The following COL8A1 variants were observed in gnomAD, a reference collection of about 807,000 sequenced individuals.
COL8A1 encodes collagen type VIII alpha 1 chain.
Under a neutral mutation model 42.7 loss-of-function variants are expected in COL8A1, and 21 were observed. That is an observed-to-expected ratio of 0.49 (90% CI 0.35 to 0.71). The LOEUF is 0.71. Ranked by LOEUF, COL8A1 falls within the 30% of genes least tolerant of loss-of-function variation. The pLI is 0.01. For missense variants in COL8A1, 788 were observed against 962.4 expected, an observed-to-expected ratio of 0.82 and a Z score of 2.40; for synonymous variants, 367 against 369.1, an observed-to-expected ratio of 0.99 and a Z score of 0.06.
chr3:99,674,457 G>A (rs1938633376), intron 1 of COL8A1, among the ~76,000 whole-genome samples: 1 of 147,818 alleles, frequency 6.8e-6, no homozygotes, highest in Non-Finnish European at 1.5e-5. Context: ...AAAAAAAAAA[G>A]CCTTGAAGGT....
At chr3:99,704,560 G>C (rs1351365320) in intron 1 of COL8A1, among the ~76,000 whole-genome samples, 2 of 152,096 alleles carry the variant, frequency 1.3e-5, no homozygotes, top group African/African-American at 4.8e-5. Flanking sequence ...GTTAATATCA[G>C]GGTCGAATTA....
At chr3:99,648,996 C>T (rs1468006373) in intron 1 of COL8A1, among the ~76,000 whole-genome samples, 1 of 152,082 alleles carries the variant, frequency 6.6e-6, no homozygotes, top group Non-Finnish European at 1.5e-5. Flanking sequence ...GAAACAAAGC[C>T]TAGCTTTTTC....
intron 1 of COL8A1, among the ~76,000 whole-genome samples, chr3:99,657,961 T>C (rs929646080): frequency 2.6e-5 from 4 of 152,018 alleles, no homozygotes; most frequent in South Asian, 2.1e-4. Context: ...ACCACGTCTC[T>C]ACTAAAAATA....
intron 1 of COL8A1, among the ~76,000 whole-genome samples, chr3:99,740,848 A>G (rs1486831339): frequency 1.3e-5 from 2 of 152,340 alleles, no homozygotes; most frequent in East Asian, 3.9e-4. Context: ...TCTAAATAAT[A>G]AAACAATATT....
At chr3:99,792,056 C>T (rs540279786) in intron 3 of COL8A1, among the ~76,000 whole-genome samples, 1 of 152,292 alleles carries the variant, frequency 6.6e-6, no homozygotes, top group South Asian at 2.1e-4. Context: ...TGATTCATCT[C>T]TCCTACTCTT....
Position 99,796,245 on chromosome 3 carries a change from G to C in COL8A1, c.*109G>C. 2 of 938,176 alleles carry C rather than the reference G, an allele frequency of 2.1e-6. No individual in the cohort carries two copies. The highest frequency in any genetic ancestry group is 3.0e-6 in the Non-Finnish European group (2 of 663,350). The allele number at this position is 938,176 out of a possible 1,614,324, so 58.1% of individuals were successfully genotyped here. On this transcript the variant is annotated 3_prime_UTR_variant, in exon 4 of 4. Transcript: ENST00000652472. The stretch of plus-strand genomic sequence containing the variant: ...TTGCTTCAAAACACTTACACAGTTG[G>C]AAAGTTATATGTAAGTGAAAATTTG...
intron 1 of COL8A1, among the ~76,000 whole-genome samples, chr3:99,718,364 A>AG (rs1368544948): frequency 2.0e-5 from 3 of 152,022 alleles, no homozygotes; most frequent in Non-Finnish European, 4.4e-5. Context: ...TTGATTAGGC[A>AG]GGGGGGCCAG....
intron 1 of COL8A1, among the ~76,000 whole-genome samples, chr3:99,693,516 T>C (rs548861308): frequency 6.6e-6 from 1 of 152,170 alleles, no homozygotes; most frequent in Non-Finnish European, 1.5e-5. Context: ...GGCCAATGTG[T>C]GTGTTTGTGT....
chr3:99,671,651 T>C (rs1263219630), intron 1 of COL8A1, among the ~76,000 whole-genome samples: 2 of 151,986 alleles, frequency 1.3e-5, no homozygotes, highest in South Asian at 2.1e-4. Flanking sequence ...GAGTTTGACT[T>C]TTTTATACTC....
At position 99,794,103 on chromosome 3, in the gene COL8A1, A is replaced by G. The variant is rs971442143; in HGVS notation, c.329-127A>G. 3 of 597,696 alleles carry G rather than the reference A, an allele frequency of 5.0e-6. No individual in the cohort carries two copies. The highest frequency in any genetic ancestry group is 2.8e-5 in the East Asian group (1 of 35,590). The allele number at this position is 597,696 out of a possible 1,614,324, so 37.0% of individuals were successfully genotyped here. Reference sequence around the variant, plus strand: ...ATATTATTCCTAGTCTTTTCTCTTGATAAGTATTAGGCAAATGTGTCAGAA... The same window carrying G: ...ATATTATTCCTAGTCTTTTCTCTTGGTAAGTATTAGGCAAATGTGTCAGAA... On this transcript the variant is annotated intron_variant, in intron 3 of 3. Coordinates refer to ENST00000652472, the MANE Select transcript of COL8A1 (RefSeq NM_020351.4). This position sits in a 1 kb window ranked among gnomAD's most constrained non-coding sequence, Gnocchi z 4.3.
chr3:99,714,322 G>A (rs971599572), intron 1 of COL8A1, among the ~76,000 whole-genome samples: 1 of 151,976 alleles, frequency 6.6e-6, no homozygotes, highest in Non-Finnish European at 1.5e-5. Context: ...TTCCCCAAGG[G>A]TGCCCTCCAC....
intron 2 of COL8A1, among the ~76,000 whole-genome samples, chr3:99,788,931 A>C (rs1335562331): frequency 6.6e-6 from 1 of 152,164 alleles, no homozygotes; most frequent in Non-Finnish European, 1.5e-5. Flanking sequence ...TTGCTACTCA[A>C]TAACAGTTTA....
intron 2 of COL8A1, among the ~76,000 whole-genome samples, chr3:99,764,683 C>T (rs76164604): frequency 0.19 from 11,277 of 58,084 alleles, 493 homozygotes; most frequent in South Asian, 0.27. Context: ...GCAGATTTTT[C>T]TTTTTTTTCT....
At chr3:99,721,809 T>G (rs1940164232) in intron 1 of COL8A1, among the ~76,000 whole-genome samples, 1 of 151,586 alleles carries the variant, frequency 6.6e-6, no homozygotes, top group Non-Finnish European at 1.5e-5. Context: ...GTCAGGCTGA[T>G]ATGTGAAAAA....
chr3:99,668,547 A>G (rs1938434871), intron 1 of COL8A1, among the ~76,000 whole-genome samples: 1 of 152,142 alleles, frequency 6.6e-6, no homozygotes, highest in South Asian at 2.1e-4. Flanking sequence ...TTTCACATGT[A>G]TCTTTAATAT....
chr3:99,772,098 A>G (rs1286894973), intron 2 of COL8A1, among the ~76,000 whole-genome samples: 4 of 152,216 alleles, frequency 2.6e-5, no homozygotes, highest in African/African-American at 9.6e-5. Context: ...TTAAGATCAC[A>G]TCCATAAATA....
At chr3:99,713,785 GAA>G (rs11289129) in intron 1 of COL8A1, among the ~76,000 whole-genome samples, 11 of 150,806 alleles carry the variant, frequency 7.3e-5, no homozygotes, top group East Asian at 2.0e-4. Context: ...ATGGATTTGT[GAA>G]AAAAAAAATA....
At chr3:99,758,073 A>T (rs1467394004) in intron 2 of COL8A1, among the ~76,000 whole-genome samples, 2 of 152,184 alleles carry the variant, frequency 1.3e-5, no homozygotes, top group African/African-American at 2.4e-5. Flanking sequence ...ATAGTAGAAC[A>T]TTACAGAGAG....
At chr3:99,697,790 A>G (rs1208675069) in intron 1 of COL8A1, among the ~76,000 whole-genome samples, 9 of 152,238 alleles carry the variant, frequency 5.9e-5, no homozygotes, top group African/African-American at 1.9e-4. Context: ...CCTAATTTAT[A>G]ACCCAGTTCA....
Sources: gnomAD v4.1 joint callset for allele counts (sites outside exome capture counted in the v4.1 genomes callset) on GRCh38, gnomAD v4.1.1 for gene constraint, Gnocchi (gnomAD v3.1) non-coding constraint, MANE v1.5 for transcripts, NCBI Gene and HGNC (gene_info 2026-07-23, HGNC 2026-07-21) for gene names.